Variants in PARD3B observed in about 807,000 individuals in gnomAD.
PARD3B encodes the protein partitioning defective 3 homolog B.
PARD3B carries 103 observed loss-of-function variants against 130.2 expected under a neutral mutation model. That is an observed-to-expected ratio of 0.79 (90% CI 0.67 to 0.93). PARD3B has a LOEUF of 0.93. Among genes scored for constraint, PARD3B ranks in the 40% least tolerant of loss-of-function variants. PARD3B has a pLI of 0.00. For synonymous variants in PARD3B, 583 were observed against 553.2 expected (o/e 1.05, Z -0.76); for missense variants, 1,609 against 1,499.2 (o/e 1.07, Z -1.21).
chr2:204,867,501 C>T (rs746078114), intron 2 of PARD3B, among the ~76,000 whole-genome samples: 1 of 152,214 alleles, frequency 6.6e-6, no homozygotes, highest in Non-Finnish European at 1.5e-5. Context: ...AGCACCATTA[C>T]AACATGCTTA....
intron 18 of PARD3B, among the ~76,000 whole-genome samples, chr2:205,310,459 T>C (rs1292639291): frequency 2.0e-5 from 3 of 152,218 alleles, no homozygotes; most frequent in East Asian, 3.9e-4. Context: ...CCTGTCTAGC[T>C]GAAAGTTTGC....
chr2:204,734,445 A>G (rs966285066), intron 2 of PARD3B, among the ~76,000 whole-genome samples: 3 of 152,190 alleles, frequency 2.0e-5, no homozygotes, highest in African/African-American at 7.2e-5. Context: ...CACAAATAGC[A>G]GTAAGTGAAT....
rs193121584 is a variant in PARD3B, at chr2:204,584,428, A to G, written c.120+38309A>G. Reference sequence around the variant, plus strand: ...AGCTAAGAGTATAGCTAGTAAAAACATACTAGAACTAAAAATAAGCTCATT... The same window carrying G: ...AGCTAAGAGTATAGCTAGTAAAAACGTACTAGAACTAAAAATAAGCTCATT... On this transcript the variant is annotated intron_variant, in intron 1 of 22. Transcript: ENST00000406610. Among the ~76,000 whole-genome samples, 4 of 152,330 alleles carry G rather than the reference A, an allele frequency of 2.6e-5. No homozygotes were observed. In the East Asian group the frequency reaches 7.7e-4, roughly 29 times the overall value.
chr2:205,572,333 G>A lies in PARD3B; in HGVS notation c.3260+18930G>A, dbSNP rs185989271. ...AGATGTGTAGCACTTTATACAACAC[G>A]CTAGGGACTTTGACTCTACCCAGAA... On this transcript the variant is annotated intron_variant, in intron 22 of 22. Coordinates refer to ENST00000406610, the MANE Select transcript of PARD3B (RefSeq NM_001302769.2). This position sits in a 1 kb window ranked among gnomAD's most constrained non-coding sequence, Gnocchi z 4.2. Among the ~76,000 whole-genome samples the A allele has an allele frequency of 3.7e-4, 56 of 152,312 alleles. No individual in the cohort carries two copies. Among genetic ancestry groups the A allele is most frequent in the Admixed American group, 1.3e-3 (20 of 15,300 alleles).
chr2:205,532,271 A>G (rs1031921610), intron 21 of PARD3B, among the ~76,000 whole-genome samples: 2 of 151,922 alleles, frequency 1.3e-5, no homozygotes, highest in African/African-American at 4.8e-5. Flanking sequence ...CTTTAAAAAT[A>G]TACTTGATAT....
chr2:205,208,215 A>G (rs1402399405), intron 15 of PARD3B, among the ~76,000 whole-genome samples: 1,156 of 113,754 alleles, frequency 0.01, 46 homozygotes, highest in African/African-American at 0.04. Context: ...GATGGGACGT[A>G]TTTCAAAATA....
At chr2:205,554,488 T>C (rs2052791281) in intron 22 of PARD3B, among the ~76,000 whole-genome samples, 1 of 152,224 alleles carries the variant, frequency 6.6e-6, no homozygotes, top group Non-Finnish European at 1.5e-5. Flanking sequence ...ACACCCAAAA[T>C]ACAATATTTT....
intron 1 of PARD3B, among the ~76,000 whole-genome samples, chr2:204,564,053 C>T (rs1231056647): frequency 1.3e-5 from 2 of 152,142 alleles, no homozygotes; most frequent in African/African-American, 2.4e-5. Context: ...GGATTGCAGG[C>T]GTGAGCCACT....
intron 18 of PARD3B, among the ~76,000 whole-genome samples, chr2:205,310,096 T>C (rs1027695311): frequency 6.7e-6 from 1 of 149,830 alleles, no homozygotes; most frequent in Non-Finnish European, 1.5e-5. Context: ...TTTTTTTTTT[T>C]TTTTTTGAGA....
chr2:205,104,083 T>C (rs1000457189), intron 4 of PARD3B, among the ~76,000 whole-genome samples: 1 of 152,196 alleles, frequency 6.6e-6, no homozygotes, highest in Non-Finnish European at 1.5e-5. Flanking sequence ...TATATCACCA[T>C]CTGTCACCAG....
intron 2 of PARD3B, among the ~76,000 whole-genome samples, chr2:204,763,307 T>A (rs551546508): frequency 6.6e-6 from 1 of 152,194 alleles, no homozygotes; most frequent in Non-Finnish European, 1.5e-5. Flanking sequence ...ATATATAGAT[T>A]CAGTTTGCTT....
intron 1 of PARD3B, among the ~76,000 whole-genome samples, chr2:204,683,010 T>G (rs1250024307): frequency 6.6e-6 from 1 of 152,204 alleles, no homozygotes; most frequent in Admixed American, 6.5e-5. Context: ...AAATAACTCT[T>G]CTTCCTGTAA....
intron 3 of PARD3B, among the ~76,000 whole-genome samples, chr2:205,028,605 C>T (rs902947914): frequency 2.6e-5 from 4 of 152,092 alleles, no homozygotes; most frequent in African/African-American, 7.2e-5. Context: ...TCAGAGACCT[C>T]TAAGATCAGG....
intron 1 of PARD3B, among the ~76,000 whole-genome samples, chr2:204,629,454 A>T (rs1369444458): frequency 3.3e-5 from 5 of 152,162 alleles, no homozygotes; most frequent in Admixed American, 1.3e-4. Flanking sequence ...AACCGTGTTC[A>T]GGCATCGGTT....
chr2:204,750,637 CACACAT>C (rs2040428523), intron 2 of PARD3B, among the ~76,000 whole-genome samples: 2 of 152,010 alleles, frequency 1.3e-5, no homozygotes, highest in African/African-American at 2.4e-5. Flanking sequence ...TACATACACA[CACACAT>C]ACATACATAC....
intron 4 of PARD3B, among the ~76,000 whole-genome samples, chr2:205,089,432 G>A (rs16836911): frequency 0.093 from 14,073 of 152,044 alleles, 836 homozygotes; most frequent in East Asian, 0.15. Context: ...TGGCCTCCCC[G>A]ACTCTCTTTT....
At chr2:204,613,821 CT>C (rs1406411378) in intron 1 of PARD3B, among the ~76,000 whole-genome samples, 4 of 151,988 alleles carry the variant, frequency 2.6e-5, no homozygotes, top group Non-Finnish European at 5.9e-5. Context: ...TTTTCTTCTG[CT>C]GTTTGCCTTA....
Position 205,321,926 on chromosome 2 carries a change from A to T in PARD3B, c.2630+20225A>T, listed in dbSNP as rs1337456788. ...TCCTTGTGATAAAGCGTCGGTAACC[A>T]TTAAATTTGGTGCAGAGTGCTTGAA... On this transcript the variant is annotated intron_variant, in intron 18 of 22. Transcript: ENST00000406610. This position sits in a 1 kb window ranked among gnomAD's most constrained non-coding sequence, Gnocchi z 4.2. 6.6e-6 allele frequency among the ~76,000 whole-genome samples: 1 copy of T among 152,216 alleles called. No homozygotes were observed. Among genetic ancestry groups the T allele is most frequent in the African/African-American group, 2.4e-5 (1 of 41,460 alleles).
chr2:205,414,076 A>G (rs1030386326), intron 19 of PARD3B, among the ~76,000 whole-genome samples: 1 of 152,134 alleles, frequency 6.6e-6, no homozygotes, highest in Non-Finnish European at 1.5e-5. Flanking sequence ...TTTTGGGGGC[A>G]GGCATAAAAA....
Sources: allele counts gnomAD v4.1 joint callset (sites outside exome capture counted in the v4.1 genomes callset), GRCh38; gene constraint gnomAD v4.1.1; non-coding constraint Gnocchi (gnomAD v3.1); transcripts MANE v1.5; gene names NCBI Gene and HGNC (gene_info 2026-07-23, HGNC 2026-07-21).